The following SLC5A8 variants were observed in gnomAD, a reference collection of about 807,000 sequenced individuals.
The protein encoded by SLC5A8 is sodium-coupled monocarboxylate transporter 1.
Under a neutral mutation model 71.9 loss-of-function variants are expected in SLC5A8, and 55 were observed. The observed-to-expected ratio is 0.77, with a 90% CI of 0.62 to 0.96. SLC5A8 has a LOEUF of 0.96. Ranked by LOEUF, SLC5A8 falls within the 40% of genes least tolerant of loss-of-function variation. SLC5A8 has a pLI of 0.00. For missense variants in SLC5A8, 701 were observed against 745.3 expected, an observed-to-expected ratio of 0.94 and a Z score of 0.69; for synonymous variants, 307 against 276.1, an observed-to-expected ratio of 1.11 and a Z score of -1.11.
chr12:101,171,273 G>A (rs1219101492), intron 10 of SLC5A8, among the ~76,000 whole-genome samples: 1 of 152,168 alleles, frequency 6.6e-6, no homozygotes, highest in African/African-American at 2.4e-5. Flanking sequence ...CTGGAAATCT[G>A]GTTGGAAATC....
intron 3 of SLC5A8, among the ~76,000 whole-genome samples, chr12:101,198,958 G>A (rs1200655672): frequency 1.3e-5 from 2 of 151,782 alleles, no homozygotes; most frequent in Non-Finnish European, 3.0e-5. Context: ...AGAGCTATAA[G>A]GATTAGAAAA....
chr12:101,199,540 A>G (rs1233811006), intron 3 of SLC5A8, among the ~76,000 whole-genome samples: 34 of 152,084 alleles, frequency 2.2e-4, no homozygotes, highest in Non-Finnish European at 4.4e-5. Flanking sequence ...CTAAGCCATA[A>G]TAGTCTAATA....
At chr12:101,178,278 T>G (rs2051899633) in intron 10 of SLC5A8, among the ~76,000 whole-genome samples, 1 of 152,198 alleles carries the variant, frequency 6.6e-6, no homozygotes, top group South Asian at 2.1e-4. Flanking sequence ...GCAAGATTTT[T>G]TTTGTAGATA....
chr12:101,187,552 T>C (rs968322174), intron 6 of SLC5A8, 37 bp from the exon 7 acceptor site: 8 of 1,582,304 alleles, frequency 5.1e-6, no homozygotes, highest in Non-Finnish European at 6.0e-6. Context: ...AAGACAACTG[T>C]AATTTCTGTC....
chr12:101,159,376 T>A (rs901595636), intron 13 of SLC5A8, among the ~76,000 whole-genome samples: 2 of 152,220 alleles, frequency 1.3e-5, no homozygotes, highest in Non-Finnish European at 2.9e-5. Flanking sequence ...TGCCCACAGT[T>A]TGTGATCTAC....
In SLC5A8 at chr12:101,179,968, C is replaced by T. The variant is rs2137141665; in HGVS notation, c.1233+61G>A. 1.9e-6 allele frequency: 3 copies of T among 1,562,542 alleles called. No homozygotes were observed. The East Asian group carries it at 6.7e-5, about 35-fold the overall frequency. On this transcript the variant is annotated intron_variant, in intron 10 of 14. Coordinates refer to ENST00000536262, the MANE Select transcript of SLC5A8 (RefSeq NM_145913.5). ...CGAGAGAAGTCTGGAAGGATGGTCA[C>T]ATCAACATTGAAAAAAGATTTAGTG...
chr12:101,210,174 A>T lies in SLC5A8; in HGVS notation c.-326T>A. On this transcript the variant is annotated 5_prime_UTR_variant, in exon 1 of 15. Coordinates refer to ENST00000536262, the MANE Select transcript of SLC5A8 (RefSeq NM_145913.5). ...GGCGCCGGGGACACCTGAGCAGATG[A>T]GAACTGGAGCCTCCAGCTGCTTCCA... 3.0e-6 allele frequency: 1 copy of T among 334,166 alleles called. No homozygotes were observed. Among genetic ancestry groups the T allele is most frequent in the Non-Finnish European group, 5.4e-6 (1 of 186,056 alleles). 20.7% of individuals were successfully genotyped at this position (334,166 alleles called of 1,614,324 possible). A position where few individuals can be genotyped will look rare whatever the true frequency, so the allele number is the denominator to read the frequency against.
chr12:101,159,826 G>C (rs1184379397), intron 13 of SLC5A8, among the ~76,000 whole-genome samples: 1 of 152,176 alleles, frequency 6.6e-6, no homozygotes, highest in African/African-American at 2.4e-5. Flanking sequence ...ATAGTACAGG[G>C]AGACTGGTTA....
intron 10 of SLC5A8, among the ~76,000 whole-genome samples, chr12:101,174,748 A>G (rs1230518328): frequency 1.3e-5 from 2 of 152,070 alleles, no homozygotes; most frequent in Non-Finnish European, 2.9e-5. Context: ...ACACACCCCT[A>G]TCCAGCATAA....
At chr12:101,160,639 C>T (rs973212817) in intron 13 of SLC5A8, among the ~76,000 whole-genome samples, 2 of 152,196 alleles carry the variant, frequency 1.3e-5, no homozygotes, top group Admixed American at 1.3e-4. Context: ...ACCCCGGCCC[C>T]AGCACTGTGA....
At chr12:101,192,398 A>G (rs1868953281) in intron 5 of SLC5A8, among the ~76,000 whole-genome samples, 1 of 69,600 alleles carries the variant, frequency 1.4e-5, no homozygotes. Flanking sequence ...AGAGCCACCA[A>G]GTGCAAAATG....
At chr12:101,167,512 T>C (rs2051784750) in intron 11 of SLC5A8, among the ~76,000 whole-genome samples, 1 of 152,208 alleles carries the variant, frequency 6.6e-6, no homozygotes, top group African/African-American at 2.4e-5. Flanking sequence ...AATTTCTAGC[T>C]CATTTATTCC....
At chr12:101,194,641 A>AT (rs150006240) in intron 4 of SLC5A8, among the ~76,000 whole-genome samples, 5 of 151,754 alleles carry the variant, frequency 3.3e-5, no homozygotes, top group African/African-American at 4.8e-5. Flanking sequence ...ATTTTAAAAA[A>AT]TTTTTTTTGT....
chr12:101,194,073 A>G (rs1869051920), intron 4 of SLC5A8, among the ~76,000 whole-genome samples: 2 of 152,236 alleles, frequency 1.3e-5, no homozygotes, highest in African/African-American at 2.4e-5. Flanking sequence ...GATACATTCC[A>G]CAGAATAAAG....
chr12:101,209,205 A>G (rs1415871023), intron 1 of SLC5A8, among the ~76,000 whole-genome samples: 1 of 152,200 alleles, frequency 6.6e-6, no homozygotes, highest in African/African-American at 2.4e-5. Context: ...AAAGGACCAT[A>G]GCGAGCACTA....
chr12:101,162,984 G>A (rs914148973), intron 12 of SLC5A8, among the ~76,000 whole-genome samples: 4 of 152,110 alleles, frequency 2.6e-5, no homozygotes, highest in Admixed American at 6.6e-5. Context: ...GAAGAGGGAG[G>A]AACTACACTA....
chr12:101,173,037 G>A lies in SLC5A8; in HGVS notation c.1234-4855C>T, dbSNP rs572875520. Among the ~76,000 whole-genome samples the A allele has an allele frequency of 2.6e-4, 39 of 152,266 alleles. No individual in the cohort carries two copies. The South Asian group carries it at 5.6e-3, about 22-fold the overall frequency. On this transcript the variant is annotated intron_variant, in intron 10 of 14. Coordinates refer to ENST00000536262, the MANE Select transcript of SLC5A8 (RefSeq NM_145913.5). ...CACCTTCAGCCCTTGATGAAAAGAG[G>A]CTCATTCTGGGGGTGCTATTTGCCA...
chr12:101,194,379 G>A (rs1252222398), intron 4 of SLC5A8, among the ~76,000 whole-genome samples: 4 of 152,158 alleles, frequency 2.6e-5, no homozygotes, highest in Admixed American at 6.5e-5. Context: ...TCACTGCCTC[G>A]GACCAGCACA....
chr12:101,199,948 G>A (rs542177815), intron 3 of SLC5A8, among the ~76,000 whole-genome samples: 6 of 129,820 alleles, frequency 4.6e-5, no homozygotes, highest in South Asian at 2.7e-4. Flanking sequence ...AACAACCCAA[G>A]TCTATAACAA....
Sources: allele counts gnomAD v4.1 joint callset (sites outside exome capture counted in the v4.1 genomes callset), GRCh38; gene constraint gnomAD v4.1.1; transcripts MANE v1.5; gene names NCBI Gene and HGNC (gene_info 2026-07-23, HGNC 2026-07-21).